Variants in DLG2 observed in about 807,000 individuals in gnomAD.
The protein encoded by DLG2 is disks large homolog 2.
Under a neutral mutation model 132.5 loss-of-function variants are expected in DLG2, and 45 were observed. The observed-to-expected ratio is 0.34, with a 90% CI of 0.27 to 0.44. The LOEUF (loss-of-function observed/expected upper bound fraction) is 0.44. Among genes scored for constraint, DLG2 ranks in the 20% least tolerant of loss-of-function variants. The probability of loss-of-function intolerance (pLI) is 1.00; values close to 1 mark genes in which losing one functional copy is unlikely to be tolerated. For missense variants in DLG2, 1,045 were observed against 1,196.9 expected, an observed-to-expected ratio of 0.87 and a Z score of 1.87; for synonymous variants, 424 against 419.6, an observed-to-expected ratio of 1.01 and a Z score of -0.13.
At chr11:84,702,177 A>G (rs1329937211) in intron 6 of DLG2, among the ~76,000 whole-genome samples, 1 of 151,626 alleles carries the variant, frequency 6.6e-6, no homozygotes, top group South Asian at 2.1e-4. Flanking sequence ...CTGTGGTACT[A>G]AACCTCTTGG....
At chr11:84,884,431 A>G (rs2087886458) in intron 6 of DLG2, among the ~76,000 whole-genome samples, 1 of 152,142 alleles carries the variant, frequency 6.6e-6, no homozygotes, top group African/African-American at 2.4e-5. Context: ...CTTGAATTCA[A>G]TTAAAAGGAA....
chr11:85,408,187 G>T (rs2088950974), intron 3 of DLG2, among the ~76,000 whole-genome samples: 1 of 148,414 alleles, frequency 6.7e-6, no homozygotes. Flanking sequence ...AATATTTATA[G>T]AAATCTTTTT....
At chr11:84,896,126 T>A (rs1037460313) in intron 6 of DLG2, among the ~76,000 whole-genome samples, 1 of 152,158 alleles carries the variant, frequency 6.6e-6, no homozygotes, top group African/African-American at 2.4e-5. Flanking sequence ...ATATTGACTC[T>A]TCAAATTGTT....
intron 6 of DLG2, among the ~76,000 whole-genome samples, chr11:85,018,522 T>C (rs966401916): frequency 4.6e-5 from 7 of 152,168 alleles, no homozygotes; most frequent in African/African-American, 1.4e-4. Context: ...TCGTGTGATC[T>C]TTGCCTCTAA....
chr11:84,450,973 C>A (rs919949262), intron 7 of DLG2, among the ~76,000 whole-genome samples: 1 of 151,790 alleles, frequency 6.6e-6, no homozygotes, highest in African/African-American at 2.4e-5. Flanking sequence ...CAAACCTCAG[C>A]ATCACGCAAT....
At chr11:84,513,153 TAATAA>T (rs1461131985) in intron 7 of DLG2, among the ~76,000 whole-genome samples, 1 of 151,662 alleles carries the variant, frequency 6.6e-6, no homozygotes, top group Non-Finnish European at 1.5e-5. Flanking sequence ...AGTAAAATAA[TAATAA>T]AATAAATAAA....
Position 84,646,236 on chromosome 11 carries a change from T to TA in DLG2, c.358-111506dup, listed in dbSNP as rs1414841066. Among the ~76,000 whole-genome samples the TA allele has an allele frequency of 3.3e-5, 5 of 152,252 alleles. No individual in the cohort carries two copies. The East Asian group carries it at 7.7e-4, about 24-fold the overall frequency. On this transcript the variant is annotated intron_variant, in intron 6 of 27. Transcript: ENST00000376104. ...ATGGAAGAAAATAATCCCTTTCCCATAAAAAACAGGTTATTTAAATTCAAA... is the reference window on the plus strand; with the variant it reads ...ATGGAAGAAAATAATCCCTTTCCCATAAAAAAACAGGTTATTTAAATTCAAA...
chr11:84,765,904 G>C (rs1316914614), intron 6 of DLG2, among the ~76,000 whole-genome samples: 1 of 151,746 alleles, frequency 6.6e-6, no homozygotes, highest in African/African-American at 2.4e-5. Context: ...ACCTTTTCTT[G>C]ATGCTGTTTT....
intron 9 of DLG2, among the ~76,000 whole-genome samples, chr11:84,114,985 G>A (rs1210608277): frequency 2.6e-5 from 4 of 151,944 alleles, no homozygotes; most frequent in Non-Finnish European, 5.9e-5. Context: ...TCACATTCTT[G>A]TACCAAGTAG....
intron 6 of DLG2, among the ~76,000 whole-genome samples, chr11:84,666,016 G>A (rs887385401): frequency 6.6e-6 from 1 of 152,158 alleles, no homozygotes; most frequent in Non-Finnish European, 1.5e-5. Context: ...TCTCTAGCAT[G>A]TGTTGCCCTC....
chr11:83,895,086 G>C (rs1485564878), intron 15 of DLG2, among the ~76,000 whole-genome samples: 1 of 148,846 alleles, frequency 6.7e-6, no homozygotes, highest in East Asian at 2.1e-4. Flanking sequence ...AATAAGACAA[G>C]TTATAAATAA....
intron 3 of DLG2, among the ~76,000 whole-genome samples, chr11:85,311,569 G>A (rs953357052): frequency 6.6e-6 from 1 of 152,078 alleles, no homozygotes; most frequent in Non-Finnish European, 1.5e-5. Context: ...GGATTACTCA[G>A]TCTCTGGTTA....
chr11:83,469,491 A>C (rs7939356), intron 24 of DLG2, 118 bp from the exon 25 acceptor site: 215,527 of 751,774 alleles, frequency 0.29, 31,529 homozygotes, highest in African/African-American at 0.31. Flanking sequence ...GTATGAAGAA[A>C]TATGACATAG....
At position 83,522,804 on chromosome 11, in the gene DLG2, GCCC is replaced by G. The variant is rs60229392; in HGVS notation, c.2193+9901_2193+9903del. ...AAGAATAGGATAGTCTAATTTTAGA[GCCC>G]CCCCCCCCTTTTTTTTTTAATCAAA... On this transcript the variant is annotated intron_variant, in intron 21 of 27. Transcript: ENST00000376104. Among the ~76,000 whole-genome samples the G allele has an allele frequency of 3.1e-3, 410 of 132,288 alleles. 2 individuals are homozygous for G. Among genetic ancestry groups the G allele is most frequent in the Middle Eastern group, 0.027 (7 of 256 alleles). 86.8% of individuals were successfully genotyped at this position (132,288 alleles called of 152,430 possible).
At chr11:85,019,479 T>C (rs1237858039) in intron 6 of DLG2, among the ~76,000 whole-genome samples, 1 of 152,164 alleles carries the variant, frequency 6.6e-6, no homozygotes, top group Non-Finnish European at 1.5e-5. Flanking sequence ...TTTATTTATT[T>C]TTCATTATAC....
chr11:83,836,578 C>T (rs943662605), intron 16 of DLG2, among the ~76,000 whole-genome samples: 1 of 152,122 alleles, frequency 6.6e-6, no homozygotes, highest in African/African-American at 2.4e-5. Flanking sequence ...CCAGGCCCAC[C>T]CAGATAATTT....
chr11:84,343,471 T>A (rs938372636), intron 7 of DLG2, among the ~76,000 whole-genome samples: 4 of 152,204 alleles, frequency 2.6e-5, no homozygotes, highest in African/African-American at 9.6e-5. Context: ...TATTTGCTAT[T>A]TGTCAAGAAC....
chr11:83,815,561 C>T (rs911598274), intron 17 of DLG2, among the ~76,000 whole-genome samples: 5 of 152,132 alleles, frequency 3.3e-5, no homozygotes, highest in East Asian at 3.9e-4. Context: ...ATAGTGCCTA[C>T]GCTCCAGCTG....
chr11:84,838,236 A>G (rs559467622), intron 6 of DLG2, among the ~76,000 whole-genome samples: 2 of 152,000 alleles, frequency 1.3e-5, no homozygotes, highest in African/African-American at 4.8e-5. Context: ...TGCTCTCACT[A>G]ACAAGCCTCC....
Sources: allele counts gnomAD v4.1 joint callset (sites outside exome capture counted in the v4.1 genomes callset), GRCh38; gene constraint gnomAD v4.1.1; transcripts MANE v1.5; gene names NCBI Gene and HGNC (gene_info 2026-07-23, HGNC 2026-07-21).